CDC14A: variants seen among roughly 807,000 people sequenced by gnomAD.
The protein encoded by CDC14A is cell division cycle 14A, also known as dual specificity protein phosphatase CDC14A.
In CDC14A, 53 loss-of-function variants were observed where a neutral mutation model predicts 74.4. The observed-to-expected ratio is 0.71, with a 90% CI of 0.57 to 0.89. The LOEUF (loss-of-function observed/expected upper bound fraction) is 0.89, where lower values mean the gene tolerates loss of function less well. Ranked by LOEUF, CDC14A falls within the 40% of genes least tolerant of loss-of-function variation. The pLI is 0.00. For missense variants in CDC14A, 646 were observed against 713.7 expected, an observed-to-expected ratio of 0.91 and a Z score of 1.08; for synonymous variants, 247 against 258.4, an observed-to-expected ratio of 0.96 and a Z score of 0.43.
chr1:100,511,916 G>C (rs1401744172), intron 15 of CDC14A, among the ~76,000 whole-genome samples: 1 of 152,096 alleles, frequency 6.6e-6, no homozygotes, highest in Non-Finnish European at 1.5e-5. Flanking sequence ...GCTGCACTCT[G>C]CCTACTGGGT....
intron 15 of CDC14A, among the ~76,000 whole-genome samples, chr1:100,500,956 G>C (rs141083425): frequency 6.6e-6 from 1 of 151,748 alleles, no homozygotes; most frequent in Middle Eastern, 3.4e-3. Context: ...TCCCTAAGAG[G>C]AGCCTGGCAT....
At chr1:100,409,115 CA>C (rs1188963665) in intron 4 of CDC14A, among the ~76,000 whole-genome samples, 4 of 152,108 alleles carry the variant, frequency 2.6e-5, no homozygotes, top group Non-Finnish European at 5.9e-5. Context: ...ACAATCATGG[CA>C]GAAGGTGAAA....
At chr1:100,437,073 C>A (rs1483248685) in intron 5 of CDC14A, among the ~76,000 whole-genome samples, 2 of 152,152 alleles carry the variant, frequency 1.3e-5, no homozygotes, top group African/African-American at 4.8e-5. Context: ...GTAGTCCCAG[C>A]TAATTCAGGG....
intron 9 of CDC14A, among the ~76,000 whole-genome samples, chr1:100,465,146 C>T (rs1255961922): frequency 6.6e-6 from 1 of 151,990 alleles, no homozygotes; most frequent in Non-Finnish European, 1.5e-5. Context: ...TGGTCTTGAA[C>T]TCCTAACCTC....
rs1244105725 is a variant in CDC14A at position 100,412,768 on chromosome 1, T to TTA, written c.310-11439_310-11438dup. On this transcript the variant is annotated intron_variant, in intron 4 of 15. Coordinates refer to ENST00000336454, the MANE Select transcript of CDC14A (RefSeq NM_003672.4). ...TATATATATATTTTATATATATATA[T>TTA]TATATATATATATATAGTATGTATG... is the stretch of plus-strand genomic sequence containing the variant. 2.3e-3 allele frequency among the ~76,000 whole-genome samples: 183 copies of TTA among 78,836 alleles called. 4 individuals carry two copies. The South Asian group carries it at 0.03, about 13-fold the overall frequency. 51.7% of individuals were successfully genotyped at this position (78,836 alleles called of 152,430 possible).
At chr1:100,507,288 C>T (rs1649323601) in intron 15 of CDC14A, among the ~76,000 whole-genome samples, 1 of 152,192 alleles carries the variant, frequency 6.6e-6, no homozygotes, top group African/African-American at 2.4e-5. Flanking sequence ...TTAACAGCTT[C>T]TGTGGTTGAA....
Position 100,498,200 on chromosome 1 carries a change from G to C in CDC14A, c.1414G>C (p.Val472Leu). ...NRTSLSSGAT[V>L]RSFSINSRLA... ...AACTTCTTTGTCTTCGGGTGCCACT[G>C]TAAGAAGGTAATTTTTCTCTCCCTC... is the stretch of plus-strand genomic sequence containing the variant. The change falls in exon 14 of 16, where the codon GTA becomes CTA. Residue 472 changes from valine to leucine, a missense_variant. Val to Leu is a conservative substitution (Grantham distance 32, BLOSUM62 1). Coordinates refer to ENST00000336454, the MANE Select transcript of CDC14A (RefSeq NM_003672.4). The C allele has an allele frequency of 1.2e-6, 2 of 1,613,724 alleles. No individual in the cohort carries two copies. Among genetic ancestry groups the C allele is most frequent in the Non-Finnish European group, 1.7e-6 (2 of 1,179,866 alleles).
intron 7 of CDC14A, 94 bp from the exon 8 acceptor site, chr1:100,455,311 T>C: frequency 1.3e-6 from 1 of 762,728 alleles, no homozygotes; most frequent in Non-Finnish European, 2.2e-6. Flanking sequence ...TAATTAGTAC[T>C]AAGAGTGAAA....
At chr1:100,351,111 T>C (rs529262509), upstream of CDC14A, among the ~76,000 whole-genome samples, 32 of 152,122 alleles carry the variant, frequency 2.1e-4, no homozygotes, top group African/African-American at 7.7e-4. Context: ...CGAGAATCGC[T>C]TGTACTCGGG....
At chr1:100,364,394 A>G (rs1473592943) in intron 2 of CDC14A, among the ~76,000 whole-genome samples, 1 of 151,102 alleles carries the variant, frequency 6.6e-6, no homozygotes, top group Non-Finnish European at 1.5e-5. Flanking sequence ...TTTTTTTTTT[A>G]ATAGAGACAG....
intron 15 of CDC14A, among the ~76,000 whole-genome samples, chr1:100,517,979 G>A (rs574676057): frequency 6.6e-6 from 1 of 152,112 alleles, no homozygotes; most frequent in Non-Finnish European, 1.5e-5. Context: ...GCTACCTACC[G>A]ATTTTTAAAT....
chr1:100,462,361 C>G (rs1017088683), intron 8 of CDC14A: 1 of 387,204 alleles, frequency 2.6e-6, no homozygotes, highest in Non-Finnish European at 4.8e-6. Context: ...ATGCTTTTGT[C>G]TTGGGAGTGG....
intron 7 of CDC14A, among the ~76,000 whole-genome samples, chr1:100,451,205 C>T (rs1666109773): frequency 6.6e-6 from 1 of 152,226 alleles, no homozygotes; most frequent in African/African-American, 2.4e-5. Context: ...GCGTCTTGAA[C>T]ATTGGAGTGG....
At chr1:100,361,337 A>G (rs1184977487) in intron 2 of CDC14A, among the ~76,000 whole-genome samples, 1 of 152,252 alleles carries the variant, frequency 6.6e-6, no homozygotes, top group African/African-American at 2.4e-5. Context: ...AAACACATGC[A>G]GTACAGGATA....
At chr1:100,499,499 A>C in intron 15 of CDC14A, 1 of 1,342,926 alleles carries the variant, frequency 7.4e-7, no homozygotes, top group Non-Finnish European at 9.8e-7. Context: ...TCTTACCCCC[A>C]ACTCCTTTTT....
chr1:100,498,003 A>T, intron 13 of CDC14A, 82 bp from the exon 14 acceptor site: 1 of 1,421,156 alleles, frequency 7.0e-7, no homozygotes, highest in Non-Finnish European at 9.7e-7. Flanking sequence ...AAGATTGATT[A>T]ATTTATCTTG....
At chr1:100,396,229 G>A (rs1438567954) in intron 4 of CDC14A, among the ~76,000 whole-genome samples, 2 of 152,194 alleles carry the variant, frequency 1.3e-5, no homozygotes, top group Non-Finnish European at 2.9e-5. Context: ...TGAATCTTGG[G>A]GAAGTCTAGG....
chr1:100,428,875 T>C (rs1247218717), intron 5 of CDC14A, among the ~76,000 whole-genome samples: 1 of 152,174 alleles, frequency 6.6e-6, no homozygotes, highest in Non-Finnish European at 1.5e-5. Context: ...TTTTTTAGTA[T>C]TGGTGATAAT....
chr1:100,426,856 C>T (rs997214022), intron 5 of CDC14A, among the ~76,000 whole-genome samples: 7 of 152,158 alleles, frequency 4.6e-5, no homozygotes, highest in African/African-American at 1.4e-4. Context: ...AGCTTCATTT[C>T]TAAATCTAGA....
Sources: gnomAD v4.1 joint callset for allele counts (sites outside exome capture counted in the v4.1 genomes callset) on GRCh38, gnomAD v4.1.1 for gene constraint, MANE v1.5 for transcripts, NCBI Gene and HGNC (gene_info 2026-07-23, HGNC 2026-07-21) for gene names.